Variants in NBEA observed in about 807,000 individuals in gnomAD.
NBEA encodes lysosomal-trafficking regulator 2.
Under a neutral mutation model 343.4 loss-of-function variants are expected in NBEA, and 44 were observed. That is an observed-to-expected ratio of 0.13 (90% CI 0.10 to 0.16). The LOEUF (loss-of-function observed/expected upper bound fraction) is 0.16, where lower values mean the gene tolerates loss of function less well. Among genes scored for constraint, NBEA ranks in the 10% least tolerant of loss-of-function variants. The probability of loss-of-function intolerance (pLI) is 1.00; values close to 1 mark genes in which losing one functional copy is unlikely to be tolerated. For synonymous variants in NBEA, 1,175 were observed against 1,238.7 expected, an observed-to-expected ratio of 0.95 and a Z score of 1.08; for missense variants, 2,555 against 3,631.3, an observed-to-expected ratio of 0.70 and a Z score of 7.62.
At chr13:35,291,455 C>T (rs567124817) in intron 35 of NBEA, among the ~76,000 whole-genome samples, 3 of 151,800 alleles carry the variant, frequency 2.0e-5, no homozygotes, top group African/African-American at 7.2e-5. Flanking sequence ...ATCATTAGGC[C>T]CATTTTCCTC....
chr13:35,346,131 C>G (rs371369962), intron 36 of NBEA, among the ~76,000 whole-genome samples: 109 of 152,206 alleles, frequency 7.2e-4, no homozygotes, highest in African/African-American at 2.4e-3. Context: ...CCTCCACCCC[C>G]ACAGCCATGC....
intron 45 of NBEA, among the ~76,000 whole-genome samples, chr13:35,568,271 T>A (rs2080228490): frequency 6.6e-6 from 1 of 152,146 alleles, no homozygotes; most frequent in Non-Finnish European, 1.5e-5. Flanking sequence ...TGATAGCTCA[T>A]GGATAATTTT....
At chr13:35,100,601 A>T (rs1422412884) in intron 11 of NBEA, among the ~76,000 whole-genome samples, 1 of 152,022 alleles carries the variant, frequency 6.6e-6, no homozygotes, top group Non-Finnish European at 1.5e-5. Context: ...AGAATGTATC[A>T]GAAAATTCTA....
At chr13:35,502,184 A>G (rs2076915704) in intron 41 of NBEA, among the ~76,000 whole-genome samples, 2 of 152,122 alleles carry the variant, frequency 1.3e-5, no homozygotes, top group African/African-American at 4.8e-5. Context: ...GTTCAGAGAC[A>G]GTTTTCCTAA....
chr13:35,308,865 A>G (rs1191863795), intron 35 of NBEA, among the ~76,000 whole-genome samples: 1 of 151,440 alleles, frequency 6.6e-6, no homozygotes, highest in African/African-American at 2.4e-5. Context: ...ACTTATGTTC[A>G]TAATGATGAG....
intron 41 of NBEA, among the ~76,000 whole-genome samples, chr13:35,549,131 A>G (rs2079193278): frequency 6.6e-6 from 1 of 152,212 alleles, no homozygotes; most frequent in Non-Finnish European, 1.5e-5. Context: ...TTCAGATTTA[A>G]ATAGACGTCT....
intron 36 of NBEA, among the ~76,000 whole-genome samples, chr13:35,334,880 T>G (rs912965937): frequency 1.3e-5 from 2 of 152,216 alleles, no homozygotes; most frequent in African/African-American, 4.8e-5. Context: ...GTGTTCATGT[T>G]TGCTTTGGTT....
intron 37 of NBEA, among the ~76,000 whole-genome samples, chr13:35,350,602 A>C (rs1302365235): frequency 6.6e-6 from 1 of 152,074 alleles, no homozygotes; most frequent in Non-Finnish European, 1.5e-5. Context: ...TTTAGATTTT[A>C]TAAACATAAA....
chr13:35,409,187 C>G (rs567017220), intron 38 of NBEA, among the ~76,000 whole-genome samples: 1 of 152,170 alleles, frequency 6.6e-6, no homozygotes, highest in South Asian at 2.1e-4. Flanking sequence ...AGATCCTGTC[C>G]TTCACGGGGA....
chr13:35,178,750 C>G (rs1391954979), intron 28 of NBEA, among the ~76,000 whole-genome samples: 1 of 151,120 alleles, frequency 6.6e-6, no homozygotes, highest in Non-Finnish European at 1.5e-5. Context: ...AAAAGGGAGA[C>G]TACATTAAAG....
chr13:34,987,907 A>G (rs2152512981), intron 1 of NBEA, among the ~76,000 whole-genome samples: 1 of 150,678 alleles, frequency 6.6e-6, no homozygotes, highest in African/African-American at 2.4e-5. Context: ...ATCTTTTTTC[A>G]AGGTTTTTAG....
intron 4 of NBEA, among the ~76,000 whole-genome samples, chr13:35,045,707 T>TTTTTTTG (rs370697043): frequency 2.7e-5 from 4 of 150,760 alleles, no homozygotes; most frequent in African/African-American, 9.8e-5. Context: ...TATACAGTGT[T>TTTTTTTG]TTTTGTTTTG....
At chr13:35,269,798 G>T (rs1213140973) in intron 34 of NBEA, among the ~76,000 whole-genome samples, 1 of 152,106 alleles carries the variant, frequency 6.6e-6, no homozygotes, top group Non-Finnish European at 1.5e-5. Flanking sequence ...TAAAAATGAA[G>T]ATTGACAGAG....
intron 49 of NBEA, among the ~76,000 whole-genome samples, chr13:35,638,020 G>A (rs1426426747): frequency 2.0e-5 from 3 of 152,084 alleles, no homozygotes; most frequent in Admixed American, 2.0e-4. Flanking sequence ...GTCACAAAAA[G>A]ACAAATCCTG....
rs911174512 is a variant in NBEA, at chr13:35,013,506, T to A, written c.295-27427T>A. Among the ~76,000 whole-genome samples, 7 of 152,102 alleles carry A rather than the reference T, an allele frequency of 4.6e-5. No individual in the cohort carries two copies. The South Asian group carries it at 1.5e-3, about 32-fold the overall frequency. On this transcript the variant is annotated intron_variant, in intron 1 of 58. Transcript: ENST00000379939. ...TTTTTTTTGAGACAGAGTCTCACTC[T>A]GTTGCCCAGGCTGGAGTGCAGTGGT...
chr13:35,469,099 CAAAAAAAAAA>C (rs34222156), intron 40 of NBEA, among the ~76,000 whole-genome samples: 3 of 85,024 alleles, frequency 3.5e-5, no homozygotes, highest in Non-Finnish European at 6.3e-5. Flanking sequence ...GACTCTATCT[CAAAAAAAAAA>C]AAAAAAAAAA....
At chr13:35,356,407 A>G (rs889439627) in intron 38 of NBEA, among the ~76,000 whole-genome samples, 2 of 152,316 alleles carry the variant, frequency 1.3e-5, no homozygotes, top group South Asian at 2.1e-4. Context: ...TGAATGTTAC[A>G]GATTTGGTTT....
intron 1 of NBEA, among the ~76,000 whole-genome samples, chr13:35,027,763 G>A (rs2152546218): frequency 6.6e-6 from 1 of 151,906 alleles, no homozygotes; most frequent in East Asian, 1.9e-4. Context: ...CAGGCTCTAG[G>A]TCCTGAATAT....
chr13:35,641,290 T>C (rs1224141371), intron 49 of NBEA, among the ~76,000 whole-genome samples: 1 of 152,148 alleles, frequency 6.6e-6, no homozygotes, highest in African/African-American at 2.4e-5. Context: ...AAACTAAACT[T>C]ACTCCTACCC....
Sources: gnomAD v4.1 joint callset for allele counts (sites outside exome capture counted in the v4.1 genomes callset) on GRCh38, gnomAD v4.1.1 for gene constraint, MANE v1.5 for transcripts, NCBI Gene and HGNC (gene_info 2026-07-23, HGNC 2026-07-21) for gene names.